The following ZPBP variants were observed in gnomAD, a reference collection of about 807,000 sequenced individuals.
ZPBP encodes zona pellucida-binding protein 1.
A neutral mutation model predicts 44.8 loss-of-function variants in ZPBP; 26 were observed. The ratio of observed to expected loss-of-function variants is 0.58; its 90% CI spans 0.43 to 0.81. The LOEUF (loss-of-function observed/expected upper bound fraction) is 0.81. Among genes scored for constraint, ZPBP ranks in the 30% least tolerant of loss-of-function variants. The probability of loss-of-function intolerance (pLI) is 0.00; values close to 1 mark genes in which losing one functional copy is unlikely to be tolerated. For missense variants in ZPBP, 409 were observed against 434.0 expected, an observed-to-expected ratio of 0.94 and a Z score of 0.51; for synonymous variants, 174 against 153.2, an observed-to-expected ratio of 1.14 and a Z score of -1.00.
In ZPBP at chr7:50,003,711, T is replaced by A. The variant is rs1041591394; in HGVS notation, c.783+14529A>T. ...ACCCAGAACTCATATAATGGAGTAA[T>A]TGGGGAAGTACTTCTCCTGCACTAA... On this transcript the variant is annotated intron_variant, in intron 6 of 7. Coordinates refer to ENST00000046087, the MANE Select transcript of ZPBP (RefSeq NM_007009.3). Among the ~76,000 whole-genome samples the A allele has an allele frequency of 3.3e-5, 5 of 152,108 alleles. No individual in the cohort carries two copies. The East Asian group carries it at 9.6e-4, about 29-fold the overall frequency.
chr7:49,992,809 G>A (rs981959968), intron 6 of ZPBP, among the ~76,000 whole-genome samples: 1 of 152,078 alleles, frequency 6.6e-6, no homozygotes, highest in South Asian at 2.1e-4. Flanking sequence ...AGATCTGGGA[G>A]GCACAATAAA....
At chr7:50,031,604 T>C (rs551369643) in intron 4 of ZPBP, among the ~76,000 whole-genome samples, 4 of 152,266 alleles carry the variant, frequency 2.6e-5, no homozygotes, top group South Asian at 2.1e-4. Flanking sequence ...CCAATGCCTA[T>C]GCTATCAAAA....
intron 2 of ZPBP, among the ~76,000 whole-genome samples, chr7:49,862,597 G>T (rs1236488515): frequency 6.6e-6 from 1 of 151,046 alleles, no homozygotes; most frequent in Non-Finnish European, 1.5e-5. Flanking sequence ...TTAGCTGTAG[G>T]TTTTTCATAA....
chr7:50,063,699 C>T (rs1043439207), intron 3 of ZPBP, among the ~76,000 whole-genome samples: 6 of 152,100 alleles, frequency 3.9e-5, no homozygotes, highest in African/African-American at 9.7e-5. Context: ...CATGATAGCT[C>T]GGCCATTATC....
intron 7 of ZPBP, among the ~76,000 whole-genome samples, chr7:49,941,653 TAGAA>T (rs1487670409): frequency 6.6e-6 from 1 of 151,850 alleles, no homozygotes; most frequent in Non-Finnish European, 1.5e-5. Flanking sequence ...CACAAATAAA[TAGAA>T]AGACATATCA....
intron 2 of ZPBP, among the ~76,000 whole-genome samples, chr7:50,085,330 T>C (rs1422747551): frequency 6.6e-6 from 1 of 152,124 alleles, no homozygotes; most frequent in African/African-American, 2.4e-5. Flanking sequence ...CAGTAATTTC[T>C]GTTGTTTAAG....
rs1052450682 is a variant in ZPBP, at chr7:49,994,275, T to C, written c.784-10756A>G. Among the ~76,000 whole-genome samples the C allele has an allele frequency of 7.2e-5, 11 of 152,196 alleles. 1 individual carries two copies. Among genetic ancestry groups the C allele is most frequent in the Non-Finnish European group, 1.5e-5 (1 of 68,022 alleles). On this transcript the variant is annotated intron_variant, in intron 6 of 7. Coordinates refer to ENST00000046087, the MANE Select transcript of ZPBP (RefSeq NM_007009.3). ...GCCCACTTTTGGGTGGTCCTGCATA[T>C]TGTTGAGAACCATCTGTAAACCAGG... is the stretch of plus-strand genomic sequence containing the variant.
At chr7:49,940,863 A>C in intron 7 of ZPBP, 2 of 887,934 alleles carry the variant, frequency 2.3e-6, no homozygotes. Flanking sequence ...GTTCCTGAAA[A>C]CCACAAGGAG....
intron 3 of ZPBP, among the ~76,000 whole-genome samples, chr7:50,079,837 C>T (rs562325753): frequency 6.6e-6 from 1 of 151,648 alleles, no homozygotes; most frequent in Admixed American, 6.6e-5. Flanking sequence ...CAGGAAAAGT[C>T]CCCACACCAA....
At chr7:49,907,993 G>A (rs1793197568) in intron 1 of ZPBP, among the ~76,000 whole-genome samples, 1 of 152,122 alleles carries the variant, frequency 6.6e-6, no homozygotes, top group African/African-American at 2.4e-5. Flanking sequence ...GAAAGGGAAG[G>A]GGATTGTCTA....
At chr7:50,047,553 T>C (rs1800439414) in intron 4 of ZPBP, among the ~76,000 whole-genome samples, 1 of 151,074 alleles carries the variant, frequency 6.6e-6, no homozygotes, top group South Asian at 2.1e-4. Context: ...CTGTGGAGAA[T>C]AGCCTTACAT....
At chr7:49,890,967 C>CA (rs1422993744) in intron 2 of ZPBP, among the ~76,000 whole-genome samples, 1 of 151,322 alleles carries the variant, frequency 6.6e-6, no homozygotes, top group African/African-American at 2.4e-5. Context: ...ATAAAAGGAA[C>CA]AAAAAAAGAT....
chr7:49,894,180 A>G (rs1792266541), intron 2 of ZPBP, among the ~76,000 whole-genome samples: 2 of 133,412 alleles, frequency 1.5e-5, no homozygotes, highest in Non-Finnish European at 1.6e-5. Context: ...TTCTTTTGAC[A>G]GGTTCTCACT....
chr7:49,884,001 C>T (rs552135836), intron 2 of ZPBP, among the ~76,000 whole-genome samples: 15 of 152,350 alleles, frequency 9.8e-5, no homozygotes, highest in African/African-American at 2.2e-4. Flanking sequence ...AGGGTTAGCA[C>T]GACTGTGGGT....
rs1450625082 is a variant in ZPBP at position 49,983,567 on chromosome 7, AT to A, written c.784-49del. The A allele has an allele frequency of 7.2e-6, 9 of 1,242,032 alleles. No individual in the cohort carries two copies. In the East Asian group the frequency reaches 1.5e-4, roughly 21 times the overall value. 76.9% of individuals were successfully genotyped at this position (1,242,032 alleles called of 1,614,324 possible). On this transcript the variant is annotated intron_variant, in intron 6 of 7. Transcript: ENST00000046087. ...TAAACTGTTAGCCATAAAAAATGTAATTTTAGAACAAATAAGGATGCATGTG... is the reference window on the plus strand; with the variant it reads ...TAAACTGTTAGCCATAAAAAATGTAATTTAGAACAAATAAGGATGCATGTG...
intron 7 of ZPBP, among the ~76,000 whole-genome samples, chr7:49,938,200 C>T (rs1794694695): frequency 6.6e-6 from 1 of 152,176 alleles, no homozygotes; most frequent in African/African-American, 2.4e-5. Context: ...GTGCTTCACA[C>T]ATGGCCATAA....
At chr7:50,008,241 C>T (rs1369645426) in intron 6 of ZPBP, among the ~76,000 whole-genome samples, 1 of 151,656 alleles carries the variant, frequency 6.6e-6, no homozygotes, top group Non-Finnish European at 1.5e-5. Flanking sequence ...ACAAACTATA[C>T]CAAAAGGAAA....
chr7:49,864,339 C>A (rs1186174502), intron 2 of ZPBP, among the ~76,000 whole-genome samples: 3 of 152,166 alleles, frequency 2.0e-5, no homozygotes, highest in Non-Finnish European at 4.4e-5. Context: ...CTTCCTTCAC[C>A]CCTTAACTGG....
chr7:49,989,418 G>T (rs552608483), intron 6 of ZPBP, among the ~76,000 whole-genome samples: 1 of 152,308 alleles, frequency 6.6e-6, no homozygotes, highest in East Asian at 1.9e-4. Flanking sequence ...TCCTATCTGA[G>T]ATTCCTTGTG....
Sources: allele counts gnomAD v4.1 joint callset (sites outside exome capture counted in the v4.1 genomes callset), GRCh38; gene constraint gnomAD v4.1.1; transcripts MANE v1.5; gene names NCBI Gene and HGNC (gene_info 2026-07-23, HGNC 2026-07-21).